Variants in TMEM108 observed in about 807,000 individuals in gnomAD.
The protein encoded by TMEM108 is transmembrane protein 108.
Under a neutral mutation model 35.1 loss-of-function variants are expected in TMEM108, and 12 were observed. That is an observed-to-expected ratio of 0.34 (90% CI 0.22 to 0.55). TMEM108 has a LOEUF of 0.55. Among genes scored for constraint, TMEM108 ranks in the 20% least tolerant of loss-of-function variants. TMEM108 has a pLI of 0.89. For synonymous variants in TMEM108, 287 were observed against 308.6 expected (o/e 0.93, Z 0.73); for missense variants, 680 against 753.3 (o/e 0.90, Z 1.14).
At chr3:133,070,524 C>T (rs759293490) in intron 2 of TMEM108, among the ~76,000 whole-genome samples, 33 of 152,076 alleles carry the variant, frequency 2.2e-4, no homozygotes, top group Non-Finnish European at 4.3e-4. Flanking sequence ...AACCTATAAG[C>T]AAGTGCTGCA....
At chr3:133,216,756 G>A (rs1945915226) in intron 2 of TMEM108, among the ~76,000 whole-genome samples, 1 of 152,048 alleles carries the variant, frequency 6.6e-6, no homozygotes, top group South Asian at 2.1e-4. Context: ...ACAAATGACA[G>A]GAATTGCTTC....
At chr3:133,284,487 G>A (rs111500420) in intron 3 of TMEM108, among the ~76,000 whole-genome samples, 127 of 152,264 alleles carry the variant, frequency 8.3e-4, no homozygotes, top group African/African-American at 3.0e-3. Flanking sequence ...TGTTCCTTCA[G>A]TCTGTCTTCA....
At chr3:133,113,404 G>A (rs541743991) in intron 2 of TMEM108, among the ~76,000 whole-genome samples, 5 of 152,268 alleles carry the variant, frequency 3.3e-5, no homozygotes, top group African/African-American at 1.2e-4. Context: ...GAATTGACAA[G>A]TCAATCCTCA....
intron 2 of TMEM108, among the ~76,000 whole-genome samples, chr3:133,076,393 C>T (rs1943743603): frequency 1.3e-5 from 2 of 152,096 alleles, no homozygotes; most frequent in African/African-American, 2.4e-5. Context: ...AAGACTTCCT[C>T]GAGGTCTTTT....
chr3:133,051,978 G>A (rs1031106578), intron 2 of TMEM108, among the ~76,000 whole-genome samples: 12 of 152,060 alleles, frequency 7.9e-5, no homozygotes, highest in South Asian at 2.1e-4. Flanking sequence ...GCTATTCTGC[G>A]TGTTTTGCCT....
chr3:133,095,890 A>T (rs1576315900), intron 2 of TMEM108, among the ~76,000 whole-genome samples: 1 of 152,032 alleles, frequency 6.6e-6, no homozygotes, highest in Non-Finnish European at 1.5e-5. Flanking sequence ...GGGGTTTGGG[A>T]CCCCTGCCAT....
intron 2 of TMEM108, among the ~76,000 whole-genome samples, chr3:133,216,365 TCTCTTGTG>T (rs1048261728): frequency 6.6e-6 from 1 of 152,074 alleles, no homozygotes; most frequent in Admixed American, 6.6e-5. Context: ...TCCCTGTGTT[TCTCTTGTG>T]CTAATAATCA....
intron 3 of TMEM108, among the ~76,000 whole-genome samples, chr3:133,285,676 C>G (rs1456428752): frequency 6.6e-6 from 1 of 152,128 alleles, no homozygotes; most frequent in Non-Finnish European, 1.5e-5. Context: ...TATCTTAGCC[C>G]CAAACATGAG....
intron 2 of TMEM108, among the ~76,000 whole-genome samples, chr3:133,153,860 T>A (rs1944837185): frequency 6.6e-6 from 1 of 152,124 alleles, no homozygotes; most frequent in Non-Finnish European, 1.5e-5. Flanking sequence ...CGTGATTTGA[T>A]GTGATGGAAA....
intron 2 of TMEM108, among the ~76,000 whole-genome samples, chr3:133,083,201 C>G (rs147490369): frequency 0.01 from 1,491 of 145,742 alleles, 14 homozygotes; most frequent in Non-Finnish European, 0.015. Flanking sequence ...CCCCACTCCT[C>G]AGCCTGGCTT....
At chr3:133,379,285 C>T (rs1321263650) in intron 3 of TMEM108, among the ~76,000 whole-genome samples, 2 of 152,208 alleles carry the variant, frequency 1.3e-5, no homozygotes, top group African/African-American at 4.8e-5. Context: ...TACATACTGC[C>T]ACCCAGGCCT....
chr3:133,304,378 A>G (rs1947272363), intron 3 of TMEM108, among the ~76,000 whole-genome samples: 1 of 152,148 alleles, frequency 6.6e-6, no homozygotes, highest in Non-Finnish European at 1.5e-5. Context: ...CGTCAAATTT[A>G]CCCATTGTAG....
chr3:133,041,182 C>A (rs1943271170), intron 1 of TMEM108, among the ~76,000 whole-genome samples: 1 of 152,180 alleles, frequency 6.6e-6, no homozygotes, highest in African/African-American at 2.4e-5. Context: ...GGCAGAGCTG[C>A]CTCATTGGCT....
intron 3 of TMEM108, among the ~76,000 whole-genome samples, chr3:133,321,465 A>G (rs553655844): frequency 7.2e-5 from 11 of 152,342 alleles, no homozygotes; most frequent in East Asian, 5.8e-4. Flanking sequence ...ACTGGAAAAT[A>G]TCACAATCCT....
At chr3:133,345,008 A>G (rs1434412700) in intron 3 of TMEM108, among the ~76,000 whole-genome samples, 1 of 151,936 alleles carries the variant, frequency 6.6e-6, no homozygotes, top group Non-Finnish European at 1.5e-5. Flanking sequence ...TTAATGAACA[A>G]GCATTTCAGA....
At chr3:133,182,058 T>C (rs1013634092) in intron 2 of TMEM108, among the ~76,000 whole-genome samples, 2 of 152,228 alleles carry the variant, frequency 1.3e-5, no homozygotes, top group African/African-American at 2.4e-5. Flanking sequence ...TAGTCTGCCC[T>C]GTAGATCTCA....
At chr3:133,343,960 C>T (rs75072588) in intron 3 of TMEM108, among the ~76,000 whole-genome samples, 13 of 151,956 alleles carry the variant, frequency 8.6e-5, no homozygotes, top group African/African-American at 3.1e-4. Flanking sequence ...CTTTTTCCAA[C>T]CAAACCATAT....
chr3:133,379,975 A>G lies in TMEM108; in HGVS notation c.264A>G (p.Ala88=), dbSNP rs893019417. 6.2e-7 allele frequency: 1 copy of G among 1,613,190 alleles called. No individual in the cohort carries two copies. Among genetic ancestry groups the G allele is most frequent in the Non-Finnish European group, 8.5e-7 (1 of 1,179,802 alleles). ...CCATGGCAACACCGACACCCCGTGC[A>G]GAGGGGCACCCTCCTACGCACACCA... ...AAPMATPTPR[A]EGHPPTHTIS... Residue 88 remains alanine, a synonymous_variant, in exon 4 of 6, where the codon GCA becomes GCG. Coordinates refer to ENST00000321871, the MANE Select transcript of TMEM108 (RefSeq NM_023943.4).
intron 2 of TMEM108, among the ~76,000 whole-genome samples, chr3:133,125,674 CCTTT>C (rs1293752888): frequency 6.6e-6 from 1 of 152,042 alleles, no homozygotes; most frequent in African/African-American, 2.4e-5. Flanking sequence ...CTTAAGGAAA[CCTTT>C]CTTTAACGGA....
Sources: allele counts gnomAD v4.1 joint callset (sites outside exome capture counted in the v4.1 genomes callset), GRCh38; gene constraint gnomAD v4.1.1; transcripts MANE v1.5; gene names NCBI Gene and HGNC (gene_info 2026-07-23, HGNC 2026-07-21).